Variants in FRS2 observed in about 807,000 individuals in gnomAD.
FRS2 encodes FGFR signalling adaptor.
In FRS2, 8 loss-of-function variants were observed where a neutral mutation model predicts 43.9. The ratio of observed to expected loss-of-function variants is 0.18; its 90% confidence interval spans 0.11 to 0.33. The LOEUF is 0.33. FRS2 is among the 10% of genes least tolerant of loss of function. FRS2 has a pLI of 1.00. For missense variants in FRS2, 534 were observed against 627.6 expected (o/e 0.85, Z 1.59); for synonymous variants, 219 against 220.3 (o/e 0.99, Z 0.05).
At chr12:69,476,758 G>A (rs1290421572) in intron 1 of FRS2, among the ~76,000 whole-genome samples, 7 of 149,472 alleles carry the variant, frequency 4.7e-5, no homozygotes, top group Admixed American at 2.7e-4. Context: ...AGGGACGGGG[G>A]GGGGTGTGGG....
At chr12:69,558,632 A>G (rs554683692) in intron 3 of FRS2, among the ~76,000 whole-genome samples, 52 of 152,302 alleles carry the variant, frequency 3.4e-4, no homozygotes, top group Admixed American at 7.8e-4. Context: ...GACTCAGTAT[A>G]GGGACCAGCT....
intron 1 of FRS2, among the ~76,000 whole-genome samples, chr12:69,488,723 C>A (rs1307216926): frequency 6.6e-6 from 1 of 152,186 alleles, no homozygotes; most frequent in African/African-American, 2.4e-5. Flanking sequence ...TCTTTTTGAA[C>A]TTTTCAACAT....
At chr12:69,536,101 C>CCTTTTTTTTTTTTTTT (rs1877251782) in intron 3 of FRS2, among the ~76,000 whole-genome samples, 2 of 37,176 alleles carry the variant, frequency 5.4e-5, no homozygotes, top group African/African-American at 1.8e-4. Context: ...TATTTTCATT[C>CCTTTTTTTTTTTTTTT]TTTTTTTTTT....
intron 8 of FRS2, 36 bp from the exon 9 acceptor site, chr12:69,573,969 A>G (rs1274669979): frequency 7.0e-7 from 1 of 1,423,380 alleles, no homozygotes; most frequent in Non-Finnish European, 9.5e-7. Context: ...TGTTTTTTTA[A>G]GTAAGTTAAC....
intron 4 of FRS2, among the ~76,000 whole-genome samples, chr12:69,567,845 G>C (rs1880425993): frequency 6.6e-6 from 1 of 152,046 alleles, no homozygotes; most frequent in African/African-American, 2.4e-5. Flanking sequence ...CAGAAAGCAG[G>C]GAGAGTCTAG....
intron 1 of FRS2, among the ~76,000 whole-genome samples, chr12:69,508,897 T>C (rs1186012394): frequency 6.6e-6 from 1 of 152,202 alleles, no homozygotes; most frequent in African/African-American, 2.4e-5. Flanking sequence ...TTTTCTCATC[T>C]TTATAGGGTA....
intron 3 of FRS2, among the ~76,000 whole-genome samples, chr12:69,546,107 A>T (rs967419405): frequency 1.3e-5 from 2 of 152,228 alleles, no homozygotes; most frequent in Non-Finnish European, 2.9e-5. Context: ...CCAAAAACTA[A>T]TTTAAAAATG....
intron 1 of FRS2, among the ~76,000 whole-genome samples, chr12:69,504,015 C>A (rs1873702595): frequency 6.6e-6 from 1 of 152,070 alleles, no homozygotes; most frequent in Admixed American, 6.6e-5. Flanking sequence ...ACCAGCCTGT[C>A]CAACAAGGTG....
chr12:69,513,301 T>G (rs1874651165), intron 1 of FRS2, among the ~76,000 whole-genome samples: 1 of 152,100 alleles, frequency 6.6e-6, no homozygotes. Context: ...AACAATCACC[T>G]TTTTAAAAAC....
In FRS2 at chr12:69,561,359, A is replaced by C. The variant is rs188319026; in HGVS notation, c.-121-821A>C. 1.1e-4 allele frequency among the ~76,000 whole-genome samples: 17 copies of C among 152,262 alleles called. No individual in the cohort carries two copies. The East Asian group carries it at 2.7e-3, about 24-fold the overall frequency. On this transcript the variant is annotated intron_variant, in intron 3 of 8. Coordinates refer to ENST00000549921, the MANE Select transcript of FRS2 (RefSeq NM_001278356.2). ...AGTTGAAATTGTTGACTGTGGGTAC[A>C]TGGTTTTGGAAATGTTCATTTTGGC...
rs1881336198 is a variant in FRS2 at position 69,578,433 on chromosome 12, A to G, written c.*3478A>G. 6.6e-6 allele frequency: 1 copy of G among 152,546 alleles called. No homozygotes were observed. Among genetic ancestry groups the G allele is most frequent in the South Asian group, 2.1e-4 (1 of 4,826 alleles). 9.4% of individuals were successfully genotyped at this position (152,546 alleles called of 1,614,324 possible). On this transcript the variant is annotated 3_prime_UTR_variant, in exon 9 of 9. Coordinates refer to ENST00000549921, the MANE Select transcript of FRS2 (RefSeq NM_001278356.2). The stretch of plus-strand genomic sequence containing the variant: ...ATTAACATATTTTATGACGTACCAC[A>G]GTATACTCTGCCCAAACCAGCACCC...
rs114846133 is a variant in FRS2 at position 69,489,408 on chromosome 12, G to A, written c.-261+18878G>A. 6.5e-3 allele frequency among the ~76,000 whole-genome samples: 986 copies of A among 152,192 alleles called. 11 individuals are homozygous for A. Among genetic ancestry groups the A allele is most frequent in the African/African-American group, 0.023 (948 of 41,520 alleles). ...TACAAGCCTTGGTTAGGTGGCTTCC[G>A]CCTATAATCCCAGCACTTTTGGAGG... On this transcript the variant is annotated intron_variant, in intron 1 of 8. Coordinates refer to ENST00000549921, the MANE Select transcript of FRS2 (RefSeq NM_001278356.2).
chr12:69,570,022 C>T (rs1257400328), intron 5 of FRS2, among the ~76,000 whole-genome samples: 1 of 152,208 alleles, frequency 6.6e-6, no homozygotes, highest in East Asian at 1.9e-4. Context: ...AGGCCCTCCT[C>T]CTCTTAAATG....
intron 8 of FRS2, among the ~76,000 whole-genome samples, chr12:69,573,159 C>A (rs1880907104): frequency 6.6e-6 from 1 of 152,156 alleles, no homozygotes; most frequent in Non-Finnish European, 1.5e-5. Flanking sequence ...TATTATCTCC[C>A]CAAAATACTA....
Position 69,574,837 on chromosome 12 carries a change from T to G in FRS2, c.1409T>G (p.Leu470Arg), listed in dbSNP as rs767096357. The change falls in exon 9 of 9, where the codon CTG (leucine) becomes CGG (arginine). Residue 470 changes from leucine (L) to arginine (R), a missense_variant. Coordinates refer to ENST00000549921, the MANE Select transcript of FRS2 (RefSeq NM_001278356.2). The stretch of plus-strand genomic sequence containing the variant: ...CAAACCCCTACCAGGCGCACAGAGC[T>G]GTATGCCGTGATAGACATCGAGAGA... ...LPQTPTRRTE[L>R]YAVIDIERTA... is the part of the protein sequence containing the mutation. 1 of 1,614,072 alleles carries G rather than the reference T, an allele frequency of 6.2e-7. No individual in the cohort carries two copies. The highest frequency in any genetic ancestry group is 8.5e-7 in the Non-Finnish European group (1 of 1,179,994).
At chr12:69,502,928 G>A (rs1873590112) in intron 1 of FRS2, among the ~76,000 whole-genome samples, 1 of 152,166 alleles carries the variant, frequency 6.6e-6, no homozygotes, top group African/African-American at 2.4e-5. Flanking sequence ...CCTCCAAGGA[G>A]TCCCTTATTA....
intron 4 of FRS2, among the ~76,000 whole-genome samples, chr12:69,562,789 A>G (rs1185970097): frequency 2.0e-5 from 3 of 152,058 alleles, no homozygotes; most frequent in African/African-American, 7.2e-5. Flanking sequence ...ACCTGGGTTT[A>G]AGTGATCCTC....
chr12:69,520,225 C>T (rs974455498), intron 1 of FRS2, among the ~76,000 whole-genome samples: 12 of 152,042 alleles, frequency 7.9e-5, no homozygotes, highest in African/African-American at 2.4e-4. Flanking sequence ...AGTGTTGGTA[C>T]GTGTCCTTTG....
intron 1 of FRS2, among the ~76,000 whole-genome samples, chr12:69,476,185 T>C (rs1335034473): frequency 6.6e-6 from 1 of 152,246 alleles, no homozygotes; most frequent in African/African-American, 2.4e-5. Context: ...TGTGTTAGCC[T>C]ACAGAGGACG....
Sources: gnomAD v4.1 joint callset for allele counts (sites outside exome capture counted in the v4.1 genomes callset) on GRCh38, gnomAD v4.1.1 for gene constraint, MANE v1.5 for transcripts, NCBI Gene and HGNC (gene_info 2026-07-23, HGNC 2026-07-21) for gene names.